Variants in WDR90 observed in about 807,000 individuals in gnomAD.
WDR90 encodes WD repeat-containing protein 90.
In WDR90, 238 loss-of-function variants were observed where a neutral mutation model predicts 195.2. The ratio of observed to expected loss-of-function variants is 1.22; its 90% confidence interval spans 1.10 to 1.36. The LOEUF (loss-of-function observed/expected upper bound fraction) is 1.36. WDR90 is among the 40% of genes most tolerant of loss of function. WDR90 has a pLI of 0.00. For synonymous variants in WDR90, 1,265 were observed against 1,052.4 expected (o/e 1.20, Z -3.91); for missense variants, 2,734 against 2,439.5 (o/e 1.12, Z -2.54).
In WDR90 at chr16:656,395, C is replaced by T. The variant is rs756640844; in HGVS notation, c.2060C>T (p.Thr687Met). The change falls in exon 18 of 41, where the codon ACG becomes ATG. Residue 687 changes from threonine (T) to methionine (M), a missense_variant. Physicochemically the swap from Thr to Met is moderately conservative, Grantham distance 81 (BLOSUM62 -1). Coordinates refer to ENST00000293879, the MANE Select transcript of WDR90 (RefSeq NM_145294.5). The part of the protein sequence containing the change: ...TSSGHLGFLD[T>M]LSRVYHMLAR... ...TCGGGCCACCTGGGCTTCCTGGACA[C>T]GCTGTCCCGGGTGTACCACATGCTG... is the stretch of plus-strand genomic sequence containing the variant. 5.0e-6 allele frequency: 8 copies of T among 1,608,592 alleles called. No individual in the cohort carries two copies. Among genetic ancestry groups the T allele is most frequent in the Admixed American group, 1.7e-5 (1 of 59,920 alleles).
chr16:658,629 CACACAGGCCA>C lies in WDR90; in HGVS notation c.2872_2881del (p.Thr958AlafsTer150), dbSNP rs2037815745. On this transcript the variant is annotated frameshift_variant, in exon 23 of 41. Transcript: ENST00000293879. LOFTEE classifies it high-confidence loss of function. The stretch of plus-strand genomic sequence containing the variant: ...GGACCATCAAGGTGTGGGACTACGC[CACACAGGCCA>C]GCCCAGGCCCCCAGGTGTGTGCGTG... The C allele has an allele frequency of 6.2e-7, 1 of 1,612,202 alleles. No individual in the cohort carries two copies. The highest frequency in any genetic ancestry group is 8.5e-7 in the Non-Finnish European group (1 of 1,179,680).
At chr16:664,215 G>A (rs993382944) in intron 34 of WDR90, among the ~76,000 whole-genome samples, 1 of 152,174 alleles carries the variant, frequency 6.6e-6, no homozygotes, top group South Asian at 2.1e-4. Context: ...GTGCGTGCCT[G>A]TTCCTCGGTC....
In WDR90 at chr16:662,045, A is replaced by G; in HGVS notation, c.4019A>G (p.Asp1340Gly). Reference protein sequence around the residue: ...AGRCFLSWEADDGGIGLLLFS... With the variant: ...AGRCFLSWEAGDGGIGLLLFS... ...CGCTGCTTCTTGTCCTGGGAGGCGG[A>G]TGACGGTGGCATTGGTGAGTGCCCC... Residue 1340 changes from aspartate to glycine, a missense_variant, in exon 32 of 41, where the codon GAT becomes GGT. Asp to Gly is a moderately conservative substitution (Grantham distance 94, BLOSUM62 -1). Coordinates refer to ENST00000293879, the MANE Select transcript of WDR90 (RefSeq NM_145294.5). 1 of 1,601,804 alleles carries G rather than the reference A, an allele frequency of 6.2e-7. No individual in the cohort carries two copies. Among genetic ancestry groups the G allele is most frequent in the African/African-American group, 1.3e-5 (1 of 75,022 alleles).
In WDR90 at chr16:649,922, C is replaced by G. The variant is rs1036885609; in HGVS notation, c.102+68C>G. 1.0e-5 allele frequency: 16 copies of G among 1,601,708 alleles called. No homozygotes were observed. In the African/African-American group the frequency reaches 2.1e-4, roughly 21 times the overall value. On this transcript the variant is annotated intron_variant, in intron 2 of 40. Coordinates refer to ENST00000293879, the MANE Select transcript of WDR90 (RefSeq NM_145294.5). ...GCCCCCAGGAGAGCTGCCCCGCCCC[C>G]GAGGGCCCCCTCGCCCCCGCTGCAC... is the stretch of plus-strand genomic sequence containing the variant.
intron 3 of WDR90, 36 bp downstream of exon 3, chr16:650,203 C>G: frequency 6.2e-7 from 1 of 1,610,298 alleles, no homozygotes; most frequent in Non-Finnish European, 8.5e-7. Context: ...CGTGGGAGCC[C>G]CGGCACCCCT....
At chr16:662,414 C>T (rs998245252) in intron 33 of WDR90, 83 bp downstream of exon 33, 160 of 1,483,068 alleles carry the variant, frequency 1.1e-4, no homozygotes, top group Middle Eastern at 2.3e-4. Context: ...GCCCCGCCCC[C>T]GCAAAGGCCG....
intron 13 of WDR90, 126 bp from the exon 14 acceptor site, chr16:654,903 G>A (rs1223375641): frequency 1.4e-5 from 12 of 827,758 alleles, no homozygotes; most frequent in Admixed American, 2.4e-5. Context: ...CTCCACGGCC[G>A]CACGCTCAGA....
At position 661,620 on chromosome 16, in the gene WDR90, G is replaced by T. The variant is rs943951214; in HGVS notation, c.3697G>T (p.Ala1233Ser). 10 of 1,598,430 alleles carry T rather than the reference G, an allele frequency of 6.3e-6. No homozygotes were observed. The highest frequency in any genetic ancestry group is 7.7e-6 in the Non-Finnish European group (9 of 1,171,870). Residue 1233 changes from alanine to serine, a missense_variant, in exon 31 of 41, where the codon GCC becomes TCC. Coordinates refer to ENST00000293879, the MANE Select transcript of WDR90 (RefSeq NM_145294.5). The part of the protein sequence containing the change: ...TLGDHDGRTL[A>S]LWGTATYDLV... ...AGGGGACCACGATGGCCGCACCCTC[G>T]CCCTGTGGGGCACGGCCACCTATGA... is the stretch of plus-strand genomic sequence containing the variant.
At position 658,220 on chromosome 16, in the gene WDR90, G is replaced by A; in HGVS notation, c.2642G>A (p.Ser881Asn). Reference protein sequence around the residue: ...RVDIGTLDLASSRLDSAMAVC... With the variant: ...RVDIGTLDLANSRLDSAMAVC... ...GACATCGGCACTCTGGACCTGGCCA[G>A]CAGCCGCCTGGACTCAGCCATGGCT... Residue 881 changes from serine to asparagine, a missense_variant, in exon 22 of 41, where the codon AGC (serine) becomes AAC (asparagine). Coordinates refer to ENST00000293879, the MANE Select transcript of WDR90 (RefSeq NM_145294.5). 5 of 1,612,210 alleles carry A rather than the reference G, an allele frequency of 3.1e-6. No homozygotes were observed. The highest frequency in any genetic ancestry group is 4.2e-6 in the Non-Finnish European group (5 of 1,179,714).
Position 667,519 on chromosome 16 carries a change from C to T in WDR90, c.5177C>T (p.Thr1726Ile), listed in dbSNP as rs376201471. 231 of 1,612,594 alleles carry T rather than the reference C, an allele frequency of 1.4e-4. No homozygotes were observed. Among genetic ancestry groups the T allele is most frequent in the Non-Finnish European group, 1.8e-4 (211 of 1,179,994 alleles). ...HDNAVHLCRF[T>I]PSARLLFTAA... The stretch of plus-strand genomic sequence containing the variant: ...AACGCAGTGCACCTGTGCAGGTTTA[C>T]ACCGTCCGCCAGGCTGCTCTTCACG... The change falls in exon 41 of 41, where the codon ACA (threonine) becomes ATA (isoleucine). Residue 1726 changes from threonine (T) to isoleucine (I), a missense_variant. Physicochemically the swap from Thr to Ile is moderately conservative, Grantham distance 89. Coordinates refer to ENST00000293879, the MANE Select transcript of WDR90 (RefSeq NM_145294.5).
Position 666,573 on chromosome 16 carries a change from G to A in WDR90, c.4859G>A (p.Ser1620Asn). Residue 1620 changes from serine to asparagine, a missense_variant, in exon 38 of 41, where the codon AGT becomes AAT. Ser to Asn is a conservative substitution (Grantham distance 46). Transcript: ENST00000293879. The part of the protein sequence containing the change: ...RNHCELVDWL[S>N]FPMPATTETQ... ...CACTGTGAGCTTGTGGACTGGTTGA[G>A]TTTCCCAATGCCTGCCACCACGGAG... 1 of 1,612,750 alleles carries A rather than the reference G, an allele frequency of 6.2e-7. No homozygotes were observed. The highest frequency in any genetic ancestry group is 8.5e-7 in the Non-Finnish European group (1 of 1,179,942).
chr16:649,810 G>A lies in WDR90; in HGVS notation c.58G>A (p.Glu20Lys), dbSNP rs754972923. 3.8e-6 allele frequency: 6 copies of A among 1,581,156 alleles called. No individual in the cohort carries two copies. Among genetic ancestry groups the A allele is most frequent in the Non-Finnish European group, 5.2e-6 (6 of 1,164,250 alleles). The change falls in exon 2 of 41, where the codon GAG (glutamate) becomes AAG (lysine). Residue 20 changes from glutamate to lysine, a missense_variant. Transcript: ENST00000293879. ...CGTCTTCAGACACTTCCGGGTGGAC[G>A]AGTGGAAGCGCTCCGCCAAGCAGGG... ...LNVFRHFRVD[E>K]WKRSAKQGDV...
chr16:662,378 G>A, intron 33 of WDR90, 47 bp downstream of exon 33: 1 of 1,535,530 alleles, frequency 6.5e-7, no homozygotes, highest in Non-Finnish European at 8.8e-7. Flanking sequence ...GGGTGTTGGT[G>A]TCCCTGACTG....
Position 667,788 on chromosome 16 carries a change from C to T in WDR90, c.*199C>T, listed in dbSNP as rs1164525643. The T allele has an allele frequency of 1.2e-5, 9 of 730,776 alleles. No homozygotes were observed. The highest frequency in any genetic ancestry group is 1.9e-5 in the Non-Finnish European group (8 of 424,616). The allele number at this position is 730,776 out of a possible 1,614,324, so 45.3% of individuals were successfully genotyped here. A position where few individuals can be genotyped will look rare whatever the true frequency, so the allele number is the denominator to read the frequency against. Reference sequence around the variant, plus strand: ...CCTGTTGCCCTTTTGCCTAAGAAATCTTTAATGTTTCTATCTTGTAATAAA... The same window carrying T: ...CCTGTTGCCCTTTTGCCTAAGAAATTTTTAATGTTTCTATCTTGTAATAAA... On this transcript the variant is annotated 3_prime_UTR_variant, in exon 41 of 41. Coordinates refer to ENST00000293879, the MANE Select transcript of WDR90 (RefSeq NM_145294.5).
upstream of WDR90, chr16:649,010 G>A (rs562445471): frequency 3.0e-4 from 57 of 189,946 alleles, no homozygotes; most frequent in Admixed American, 6.1e-4. Context: ...GACGGCGAGA[G>A]AGCGGCAGGG....
At position 657,831 on chromosome 16, in the gene WDR90, T is replaced by C; in HGVS notation, c.2543T>C (p.Leu848Pro). The C allele has an allele frequency of 6.3e-7, 1 of 1,580,184 alleles. No individual in the cohort carries two copies. The highest frequency in any genetic ancestry group is 1.2e-5 in the South Asian group (1 of 86,736). ...ALAVSRDGRL[L>P]AFVGPSRCTV... ...GCAGTCAGCAGGGATGGCCGCCTGCTGGCCTTTGTGGGACCCTCCAGGTGC... is the reference window on the plus strand; with the variant it reads ...GCAGTCAGCAGGGATGGCCGCCTGCCGGCCTTTGTGGGACCCTCCAGGTGC... The change falls in exon 21 of 41, where the codon CTG (leucine) becomes CCG (proline). Residue 848 changes from leucine (L) to proline (P), a missense_variant. Leu to Pro is a moderately conservative substitution (Grantham distance 98). Transcript: ENST00000293879.
Position 666,585 on chromosome 16 carries a change from C to T in WDR90, c.4871C>T (p.Pro1624Leu). ...ELVDWLSFPM[P>L]ATTETQGHLP... is the part of the protein sequence containing the mutation. Reference sequence around the variant, plus strand: ...GTGGACTGGTTGAGTTTCCCAATGCCTGCCACCACGGAGGTAAACCATGCT... The same window carrying T: ...GTGGACTGGTTGAGTTTCCCAATGCTTGCCACCACGGAGGTAAACCATGCT... The change falls in exon 38 of 41, where the codon CCT (proline) becomes CTT (leucine). Residue 1624 changes from proline (P) to leucine (L), a missense_variant. Transcript: ENST00000293879. 2 of 1,612,606 alleles carry T rather than the reference C, an allele frequency of 1.2e-6. No homozygotes were observed. Among genetic ancestry groups the T allele is most frequent in the Non-Finnish European group, 1.7e-6 (2 of 1,179,864 alleles).
rs536104036 is a variant in WDR90, at chr16:655,679, C to A, written c.1825C>A (p.Pro609Thr). 63 of 1,599,292 alleles carry A rather than the reference C, an allele frequency of 3.9e-5. 1 individual carries two copies. In the South Asian group the frequency reaches 6.4e-4, roughly 16 times the overall value. ...LPTRTPGGPH[P>T]QKQTFSSGPG... ...CACACGGACTCCAGGCGGTCCCCAC[C>A]CACAGAAGCAGACCTTCAGCTCAGG... The change falls in exon 16 of 41, where the codon CCA becomes ACA. Residue 609 changes from proline (P) to threonine (T), a missense_variant. Physicochemically the swap from Pro to Thr is conservative, Grantham distance 38. Transcript: ENST00000293879.
Position 660,596 on chromosome 16 carries a change from G to T in WDR90, c.3289-16G>T, listed in dbSNP as rs2037874695. ...CATGCTGGGCCCCAGCAGCATCCGG[G>T]TCTCCTTCCTCGCAGGGCACTTGCC... On this transcript the variant is annotated splice_polypyrimidine_tract_variant and intron_variant, in intron 27 of 40. Transcript: ENST00000293879. 7 of 1,555,744 alleles carry T rather than the reference G, an allele frequency of 4.5e-6. No individual in the cohort carries two copies. Among genetic ancestry groups the T allele is most frequent in the Middle Eastern group, 1.7e-4 (1 of 6,020 alleles).
Sources: gnomAD v4.1 joint callset for allele counts (sites outside exome capture counted in the v4.1 genomes callset) on GRCh38, gnomAD v4.1.1 for gene constraint, MANE v1.5 for transcripts, NCBI Gene and HGNC (gene_info 2026-07-23, HGNC 2026-07-21) for gene names.